Variants in PDE1A observed in about 807,000 individuals in gnomAD.
The protein encoded by PDE1A is phosphodiesterase 1A, also known as dual specificity calcium/calmodulin-dependent 3',5'-cyclic nucleotide phosphodiesterase 1A.
A neutral mutation model predicts 61.7 loss-of-function variants in PDE1A; 35 were observed. That is an observed-to-expected ratio of 0.57 (90% CI 0.43 to 0.75). The LOEUF is 0.75. PDE1A is among the 30% of genes least tolerant of loss of function. The pLI is 0.00. For synonymous variants in PDE1A, 232 were observed against 213.2 expected, an observed-to-expected ratio of 1.09 and a Z score of -0.77; for missense variants, 597 against 630.6, an observed-to-expected ratio of 0.95 and a Z score of 0.57.
chr2:182,568,530 G>C, the PDE1A span, among the ~76,000 whole-genome samples: 1 of 152,138 alleles, frequency 6.6e-6, no homozygotes, highest in African/African-American at 2.4e-5. Context: ...GCCAGGCGCA[G>C]TGGCGGGCGC....
chr2:182,294,957 C>T (rs370350539), intron 1 of PDE1A, among the ~76,000 whole-genome samples: 1 of 151,770 alleles, frequency 6.6e-6, no homozygotes, highest in Admixed American at 6.6e-5. Context: ...TAGGTAGTGC[C>T]CAGAGCTGAG....
intron 1 of PDE1A, among the ~76,000 whole-genome samples, chr2:182,394,088 T>C (rs772667414): frequency 2.0e-5 from 3 of 152,212 alleles, no homozygotes; most frequent in Non-Finnish European, 2.9e-5. Context: ...CTCATTTTCA[T>C]GCATTTTTAG....
At chr2:182,534,461 A>G in the PDE1A span, among the ~76,000 whole-genome samples, 6 of 152,120 alleles carry the variant, frequency 3.9e-5, no homozygotes, top group South Asian at 1.2e-3. Flanking sequence ...TTCACGTTTC[A>G]GAGGATGCTA....
the PDE1A span, among the ~76,000 whole-genome samples, chr2:182,595,945 C>T: frequency 6.6e-6 from 1 of 152,176 alleles, no homozygotes; most frequent in Non-Finnish European, 1.5e-5. Flanking sequence ...CCCATCCAGA[C>T]AGATTAAACC....
the PDE1A span, among the ~76,000 whole-genome samples, chr2:182,631,381 C>A: frequency 6.6e-6 from 1 of 151,986 alleles, no homozygotes; most frequent in African/African-American, 2.4e-5. Flanking sequence ...CATATGTATA[C>A]ATGTGCCATA....
At chr2:182,296,551 T>TCAC (rs753653666) in intron 1 of PDE1A, among the ~76,000 whole-genome samples, 69 of 152,168 alleles carry the variant, frequency 4.5e-4, no homozygotes, top group Non-Finnish European at 8.1e-4. Flanking sequence ...TAGCAATGAG[T>TCAC]GGCCTATGAT....
At chr2:182,594,226 C>A in the PDE1A span, among the ~76,000 whole-genome samples, 5 of 152,008 alleles carry the variant, frequency 3.3e-5, no homozygotes, top group African/African-American at 1.2e-4. Context: ...TAAATATAAC[C>A]CAAATGATTT....
chr2:182,417,566 G>A (rs1051547773), intron 1 of PDE1A, among the ~76,000 whole-genome samples: 4 of 152,132 alleles, frequency 2.6e-5, no homozygotes, highest in Non-Finnish European at 5.9e-5. Context: ...TTTTTTAGAG[G>A]AGACATTTAT....
At chr2:182,450,145 A>C (rs987160742) in intron 2 of PDE1A, among the ~76,000 whole-genome samples, 1 of 152,078 alleles carries the variant, frequency 6.6e-6, no homozygotes, top group African/African-American at 2.4e-5. Context: ...CATCATCATC[A>C]TCATCACTGG....
At chr2:182,516,761 A>AAAAG (rs1320717460) in intron 2 of PDE1A, among the ~76,000 whole-genome samples, 98 of 107,604 alleles carry the variant, frequency 9.1e-4, no homozygotes, top group African/African-American at 1.3e-3. Flanking sequence ...GAAAGAAAGA[A>AAAAG]AAAGAAAGAA....
At chr2:182,628,067 C>T in the PDE1A span, among the ~76,000 whole-genome samples, 5 of 152,162 alleles carry the variant, frequency 3.3e-5, no homozygotes, top group Non-Finnish European at 7.4e-5. Context: ...CACACACACA[C>T]ACACACACAG....
intron 2 of PDE1A, among the ~76,000 whole-genome samples, chr2:182,440,062 G>A (rs966293539): frequency 6.6e-6 from 1 of 152,050 alleles, no homozygotes; most frequent in African/African-American, 2.4e-5. Context: ...TAGAAAGGGT[G>A]ACACTGCTGT....
chr2:182,263,191 C>T (rs1387478928), intron 2 of PDE1A, among the ~76,000 whole-genome samples: 5 of 152,026 alleles, frequency 3.3e-5, no homozygotes, highest in East Asian at 1.9e-4. Context: ...TTTAGCAATG[C>T]GGTGCGAGAG....
intron 7 of PDE1A, among the ~76,000 whole-genome samples, chr2:182,211,999 T>C (rs1340434458): frequency 1.3e-5 from 2 of 151,982 alleles, no homozygotes; most frequent in Non-Finnish European, 2.9e-5. Flanking sequence ...GAAATTCCTT[T>C]TTCTAGTTGT....
intron 2 of PDE1A, among the ~76,000 whole-genome samples, chr2:182,454,739 C>T (rs944064462): frequency 6.6e-6 from 1 of 151,934 alleles, no homozygotes; most frequent in African/African-American, 2.4e-5. Flanking sequence ...AAACTGGATC[C>T]CTTCCTTACA....
intron 1 of PDE1A, among the ~76,000 whole-genome samples, chr2:182,361,424 T>C (rs1699501023): frequency 6.6e-6 from 1 of 152,106 alleles, no homozygotes; most frequent in South Asian, 2.1e-4. Context: ...CCCAAAGGAT[T>C]TGTAAATCTA....
chr2:182,200,793 A>G (rs1012053045), intron 10 of PDE1A, among the ~76,000 whole-genome samples: 4 of 152,130 alleles, frequency 2.6e-5, no homozygotes, highest in African/African-American at 9.7e-5. Flanking sequence ...AATCTTGTGG[A>G]AGACTGAGCC....
chr2:182,300,765 C>T (rs576371469), intron 1 of PDE1A, among the ~76,000 whole-genome samples: 8 of 152,306 alleles, frequency 5.3e-5, no homozygotes, highest in South Asian at 2.1e-4. Context: ...TAGAATTACA[C>T]GTCTAGTAGG....
At chr2:182,644,128 TACACACACAC>T in the PDE1A span, among the ~76,000 whole-genome samples, 2 of 129,434 alleles carry the variant, frequency 1.5e-5, no homozygotes, top group Non-Finnish European at 3.3e-5. Flanking sequence ...AATCAATGAT[TACACACACAC>T]ACACACACAC....
Sources: allele counts gnomAD v4.1 joint callset (sites outside exome capture counted in the v4.1 genomes callset), GRCh38; gene constraint gnomAD v4.1.1; transcripts MANE v1.5; gene names NCBI Gene and HGNC (gene_info 2026-07-23, HGNC 2026-07-21).